Variants in ANXA8 observed in about 807,000 individuals in gnomAD.
ANXA8 encodes annexin A8, also known as VAC-beta.
ANXA8 carries 9 observed loss-of-function variants against 26.8 expected under a neutral mutation model. The ratio of observed to expected loss-of-function variants is 0.34; its 90% CI spans 0.20 to 0.59. The LOEUF (loss-of-function observed/expected upper bound fraction) is 0.59, where lower values mean the gene tolerates loss of function less well. Among genes scored for constraint, ANXA8 ranks in the 20% least tolerant of loss-of-function variants. ANXA8 has a pLI of 0.84. For missense variants in ANXA8, 83 were observed against 238.5 expected (o/e 0.35, Z 4.29); for synonymous variants, 39 against 94.8 (o/e 0.41, Z 3.42).
the ANXA8 span, among the ~76,000 whole-genome samples, chr10:47,754,980 C>CA: frequency 1.8e-5 from 2 of 110,480 alleles, no homozygotes; most frequent in Non-Finnish European, 3.6e-5. Context: ...TTTTTTTTGA[C>CA]AGAGTCTCGC....
At chr10:47,772,077 CA>C in the ANXA8 span, among the ~76,000 whole-genome samples, 1 of 151,420 alleles carries the variant, frequency 6.6e-6, no homozygotes, top group Non-Finnish European at 1.5e-5. Context: ...AACTTGCTGC[CA>C]AACCATGAAG....
the ANXA8 span, among the ~76,000 whole-genome samples, chr10:47,697,272 G>C: frequency 9.3e-3 from 1,410 of 152,144 alleles, no homozygotes; most frequent in African/African-American, 0.033. Flanking sequence ...CTGTGAAATG[G>C]AGATAAAAAT....
chr10:47,470,312 G>T (rs1199810195), intron 11 of ANXA8, among the ~76,000 whole-genome samples: 3 of 149,946 alleles, frequency 2.0e-5, no homozygotes, highest in Non-Finnish European at 4.4e-5. Flanking sequence ...AAAATTTGAA[G>T]AGGGTGGCTT....
chr10:47,894,642 C>T, the ANXA8 span, among the ~76,000 whole-genome samples: 1 of 150,300 alleles, frequency 6.7e-6, no homozygotes, highest in Non-Finnish European at 1.5e-5. Context: ...CTACACACAC[C>T]ACACACACCA....
the ANXA8 span, among the ~76,000 whole-genome samples, chr10:47,548,642 T>C: frequency 1.0e-3 from 146 of 141,810 alleles, no homozygotes; most frequent in African/African-American, 3.2e-3. Flanking sequence ...TAAAAGATCA[T>C]AGAATATCAG....
chr10:47,548,078 T>A, the ANXA8 span, among the ~76,000 whole-genome samples: 1 of 142,894 alleles, frequency 7.0e-6, no homozygotes, highest in Non-Finnish European at 1.5e-5. Context: ...TACACTTATT[T>A]TTACTAATAG....
the ANXA8 span, among the ~76,000 whole-genome samples, chr10:47,971,438 T>G: frequency 6.8e-6 from 1 of 146,106 alleles, no homozygotes; most frequent in Non-Finnish European, 1.5e-5. Context: ...AAAAACCTTA[T>G]GCATCCAGTT....
At chr10:47,686,122 A>G in the ANXA8 span, among the ~76,000 whole-genome samples, 1 of 151,680 alleles carries the variant, frequency 6.6e-6, no homozygotes, top group Non-Finnish European at 1.5e-5. Flanking sequence ...AGAGCCTACG[A>G]AAAATGCAGA....
At chr10:47,559,623 G>A in the ANXA8 span, among the ~76,000 whole-genome samples, 17 of 151,802 alleles carry the variant, frequency 1.1e-4, no homozygotes, top group African/African-American at 4.1e-4. Flanking sequence ...ATTAATGGGT[G>A]CACTTTAAAA....
the ANXA8 span, chr10:47,751,282 G>T: frequency 7.9e-6 from 1 of 126,766 alleles, no homozygotes; most frequent in African/African-American, 2.9e-5. Flanking sequence ...TAGTTTTTTT[G>T]TGTGTGGATT....
the ANXA8 span, among the ~76,000 whole-genome samples, chr10:47,746,670 C>T: frequency 1.4e-5 from 2 of 141,888 alleles, no homozygotes; most frequent in African/African-American, 5.1e-5. Context: ...AAGAGTGAAA[C>T]CCTAAAAAAA....
the ANXA8 span, among the ~76,000 whole-genome samples, chr10:47,744,387 T>C: frequency 1.2e-5 from 1 of 82,354 alleles, no homozygotes; most frequent in Non-Finnish European, 2.5e-5. Context: ...ATCTCTCTTG[T>C]CCACACGTGG....
chr10:47,570,685 A>C, the ANXA8 span, among the ~76,000 whole-genome samples: 1 of 150,706 alleles, frequency 6.6e-6, no homozygotes, highest in African/African-American at 2.5e-5. Flanking sequence ...AGATGGGAGG[A>C]TCCCTTAAGC....
At chr10:47,519,230 G>A in the ANXA8 span, among the ~76,000 whole-genome samples, 2 of 131,356 alleles carry the variant, frequency 1.5e-5, no homozygotes, top group Middle Eastern at 7.6e-3. Flanking sequence ...CACTTTGGGA[G>A]GCTGAAGCGG....
At chr10:47,733,145 CTTT>C in the ANXA8 span, among the ~76,000 whole-genome samples, 45 of 49,362 alleles carry the variant, frequency 9.1e-4, no homozygotes, top group African/African-American at 3.3e-3. Flanking sequence ...ACTCCCTAAT[CTTT>C]CTTTCTTTCT....
chr10:47,652,837 T>C, the ANXA8 span, among the ~76,000 whole-genome samples: 2 of 148,716 alleles, frequency 1.3e-5, no homozygotes, highest in African/African-American at 2.6e-5. Flanking sequence ...ATTACCAGCA[T>C]ATCAATTGAA....
chr10:47,755,235 G>A, the ANXA8 span, among the ~76,000 whole-genome samples: 3 of 151,188 alleles, frequency 2.0e-5, no homozygotes, highest in African/African-American at 2.4e-5. Flanking sequence ...GATTATAGGC[G>A]TGAGCCACCG....
the ANXA8 span, among the ~76,000 whole-genome samples, chr10:47,495,109 T>C: frequency 1.3e-5 from 2 of 150,426 alleles, no homozygotes; most frequent in African/African-American, 2.5e-5. Flanking sequence ...ACTGTGTGAA[T>C]TCCACTAGGG....
chr10:47,907,199 CA>C, the ANXA8 span, among the ~76,000 whole-genome samples: 2 of 151,290 alleles, frequency 1.3e-5, no homozygotes, highest in Non-Finnish European at 3.0e-5. Context: ...ACTAAAAATA[CA>C]AAAAAAATTA....
Sources: allele counts gnomAD v4.1 joint callset (sites outside exome capture counted in the v4.1 genomes callset), GRCh38; gene constraint gnomAD v4.1.1; transcripts MANE v1.5; gene names NCBI Gene and HGNC (gene_info 2026-07-23, HGNC 2026-07-21).